The following SRBD1 variants were observed in gnomAD, a reference collection of about 807,000 sequenced individuals.
The protein encoded by SRBD1 is S1 RNA binding domain 1, also known as S1 RNA-binding domain-containing protein 1.
SRBD1 carries 88 observed loss-of-function variants against 115.3 expected under a neutral mutation model. That is an observed-to-expected ratio of 0.76 (90% confidence interval 0.64 to 0.91). The LOEUF is 0.91. SRBD1 is among the 40% of genes least tolerant of loss of function. The pLI is 0.00. For missense variants in SRBD1, 1,385 were observed against 1,177.4 expected (o/e 1.18, Z -2.58); for synonymous variants, 509 against 407.7 (o/e 1.25, Z -2.99).
intron 6 of SRBD1, among the ~76,000 whole-genome samples, chr2:45,580,829 C>T (rs367910486): frequency 6.6e-6 from 1 of 151,406 alleles, no homozygotes; most frequent in East Asian, 1.9e-4. Flanking sequence ...GGATTACAGG[C>T]ACCCGCCACC....
At chr2:45,484,953 T>C (rs1000357044) in intron 15 of SRBD1, among the ~76,000 whole-genome samples, 2 of 152,240 alleles carry the variant, frequency 1.3e-5, no homozygotes, top group Non-Finnish European at 2.9e-5. Flanking sequence ...TGATATTCTA[T>C]TGTATGGCTA....
At chr2:45,460,631 T>C (rs1396629381) in intron 16 of SRBD1, among the ~76,000 whole-genome samples, 1 of 152,176 alleles carries the variant, frequency 6.6e-6, no homozygotes, top group Non-Finnish European at 1.5e-5. Flanking sequence ...AGTAACAGAC[T>C]TTTCAAAACC....
intron 19 of SRBD1, among the ~76,000 whole-genome samples, chr2:45,402,471 CA>C (rs1667317656): frequency 6.6e-6 from 1 of 152,144 alleles, no homozygotes; most frequent in South Asian, 2.1e-4. Context: ...ACAAATATCA[CA>C]AACAGGTATT....
At chr2:45,489,801 C>G (rs1008577852) in intron 14 of SRBD1, among the ~76,000 whole-genome samples, 3 of 152,124 alleles carry the variant, frequency 2.0e-5, no homozygotes, top group Non-Finnish European at 2.9e-5. Flanking sequence ...GAGCCCTTAA[C>G]CAGCACAACC....
chr2:45,393,257 T>A (rs1449059430), intron 19 of SRBD1, 128 bp from the exon 20 acceptor site: 9 of 934,042 alleles, frequency 9.6e-6, no homozygotes, highest in African/African-American at 5.1e-5. Flanking sequence ...TTATTGAGAA[T>A]CTATTATGTG....
intron 5 of SRBD1, among the ~76,000 whole-genome samples, chr2:45,583,099 T>A (rs1673415863): frequency 6.6e-6 from 1 of 152,130 alleles, no homozygotes; most frequent in African/African-American, 2.4e-5. Context: ...TTACCTCCTA[T>A]TTATAGAATC....
intron 17 of SRBD1, 101 bp downstream of exon 17, chr2:45,419,687 T>G: frequency 1.0e-6 from 1 of 970,270 alleles, no homozygotes; most frequent in Non-Finnish European, 1.6e-6. Context: ...CGTTCTCTAC[T>G]TGACAACTTT....
chr2:45,449,781 A>G (rs544651364), intron 16 of SRBD1, among the ~76,000 whole-genome samples: 9 of 152,328 alleles, frequency 5.9e-5, no homozygotes, highest in African/African-American at 2.2e-4. Context: ...TCTAAGAGTA[A>G]AGCCGCAGAA....
chr2:45,587,778 A>G lies in SRBD1; in HGVS notation c.649-2004T>C, dbSNP rs1271382733. 2.6e-5 allele frequency among the ~76,000 whole-genome samples: 4 copies of G among 152,166 alleles called. No individual in the cohort carries two copies. In the East Asian group the frequency reaches 5.8e-4, roughly 22 times the overall value. ...AGCCAATTTCACATTTCTATCCCTGACTCTCTTTCACATGAGCTCTAGACT... is the reference window on the plus strand; with the variant it reads ...AGCCAATTTCACATTTCTATCCCTGGCTCTCTTTCACATGAGCTCTAGACT... On this transcript the variant is annotated intron_variant, in intron 4 of 20. Transcript: ENST00000263736.
intron 9 of SRBD1, among the ~76,000 whole-genome samples, chr2:45,564,933 G>C (rs1014275058): frequency 2.0e-5 from 3 of 152,056 alleles, no homozygotes; most frequent in African/African-American, 7.2e-5. Flanking sequence ...ATATACCAAG[G>C]AACAACTGTA....
At position 45,602,009 on chromosome 2, in the gene SRBD1, T is replaced by A. The variant is rs574719299; in HGVS notation, c.155A>T (p.Lys52Ile). 6.2e-7 allele frequency: 1 copy of A among 1,614,232 alleles called. No individual in the cohort carries two copies. The highest frequency in any genetic ancestry group is 1.1e-5 in the South Asian group (1 of 91,082). ...EPQKKVPRSR[K>I]QPPPKESKPK... ...TTTGGATTCCTTGGGAGGGGGCTGT[T>A]TACGGCTTCTGGGAACTTTCTTTTG... The change falls in exon 3 of 21, where the codon AAA becomes ATA. Residue 52 changes from lysine (K) to isoleucine (I), a missense_variant. Transcript: ENST00000263736.
intron 16 of SRBD1, among the ~76,000 whole-genome samples, chr2:45,437,948 A>C (rs1668550018): frequency 6.6e-6 from 1 of 152,180 alleles, no homozygotes; most frequent in Admixed American, 6.5e-5. Flanking sequence ...TACTATAAAT[A>C]GTGAATATAG....
intron 19 of SRBD1, among the ~76,000 whole-genome samples, chr2:45,402,005 A>T (rs978528648): frequency 1.3e-5 from 2 of 152,162 alleles, no homozygotes; most frequent in African/African-American, 4.8e-5. Flanking sequence ...TTGAACAGGA[A>T]TGGGAAAGAG....
At chr2:45,404,300 T>G (rs1203978281) in intron 19 of SRBD1, among the ~76,000 whole-genome samples, 14 of 152,146 alleles carry the variant, frequency 9.2e-5, no homozygotes. Context: ...AGATACAGTT[T>G]GGAAGAGTGT....
intron 16 of SRBD1, among the ~76,000 whole-genome samples, chr2:45,469,588 C>G (rs1450101573): frequency 1.3e-5 from 2 of 151,996 alleles, no homozygotes; most frequent in Non-Finnish European, 2.9e-5. Context: ...TTGGTGATTT[C>G]CAGGAACTTG....
intron 14 of SRBD1, among the ~76,000 whole-genome samples, chr2:45,494,442 C>T (rs1050696388): frequency 6.6e-6 from 1 of 151,608 alleles, no homozygotes. Flanking sequence ...TTGGTAAATA[C>T]ATCATTTGTT....
intron 19 of SRBD1, among the ~76,000 whole-genome samples, chr2:45,399,489 A>G (rs1222967602): frequency 6.6e-6 from 1 of 152,146 alleles, no homozygotes; most frequent in African/African-American, 2.4e-5. Context: ...TTTATTGTGA[A>G]TGTAGATTTG....
intron 14 of SRBD1, among the ~76,000 whole-genome samples, chr2:45,514,199 A>T (rs531998805): frequency 6.6e-6 from 1 of 152,340 alleles, no homozygotes; most frequent in East Asian, 1.9e-4. Context: ...ATCTCTAAGA[A>T]AAAGTACATT....
At chr2:45,569,635 G>A (rs982166506) in intron 9 of SRBD1, 50 of 152,026 alleles carry the variant, frequency 3.3e-4, no homozygotes, top group African/African-American at 1.1e-3. Context: ...GAAATTCCGC[G>A]TTTGAAAAAC....
Sources: allele counts gnomAD v4.1 joint callset (sites outside exome capture counted in the v4.1 genomes callset), GRCh38; gene constraint gnomAD v4.1.1; transcripts MANE v1.5; gene names NCBI Gene and HGNC (gene_info 2026-07-23, HGNC 2026-07-21).